The following IGSF21 variants were observed in gnomAD, a reference collection of about 807,000 sequenced individuals.
IGSF21 encodes immunoglobin superfamily member 21.
In IGSF21, 28 loss-of-function variants were observed where a neutral mutation model predicts 46.8. The observed-to-expected ratio is 0.60, with a 90% CI of 0.44 to 0.82. IGSF21 has a LOEUF of 0.82. Among genes scored for constraint, IGSF21 ranks in the 40% least tolerant of loss-of-function variants. IGSF21 has a pLI of 0.00. For synonymous variants in IGSF21, 284 were observed against 273.6 expected (o/e 1.04, Z -0.38); for missense variants, 624 against 665.5 (o/e 0.94, Z 0.69).
At chr1:18,285,501 T>G (rs1391977758) in intron 2 of IGSF21, among the ~76,000 whole-genome samples, 1 of 152,144 alleles carries the variant, frequency 6.6e-6, no homozygotes, top group Non-Finnish European at 1.5e-5. Context: ...CTGCGGGCAT[T>G]CAGGGCAGCA....
intron 1 of IGSF21, among the ~76,000 whole-genome samples, chr1:18,131,142 G>T (rs1330346271): frequency 6.6e-6 from 1 of 152,248 alleles, no homozygotes; most frequent in Non-Finnish European, 1.5e-5. Context: ...CACTGCTAGA[G>T]GAAAGGGGTC....
At chr1:18,193,913 T>G (rs2086982591) in intron 1 of IGSF21, among the ~76,000 whole-genome samples, 1 of 152,172 alleles carries the variant, frequency 6.6e-6, no homozygotes, top group African/African-American at 2.4e-5. Flanking sequence ...CCTGAGTGTG[T>G]GTCTGTGTGT....
chr1:18,251,271 A>T (rs1037885758), intron 2 of IGSF21, among the ~76,000 whole-genome samples: 2 of 152,204 alleles, frequency 1.3e-5, no homozygotes, highest in African/African-American at 4.8e-5. Flanking sequence ...TTTCAAAAAA[A>T]ATTATCTGGC....
intron 2 of IGSF21, among the ~76,000 whole-genome samples, chr1:18,288,669 A>G (rs959364901): frequency 7.9e-5 from 12 of 152,178 alleles, no homozygotes; most frequent in African/African-American, 2.9e-4. Flanking sequence ...CCACAGAATA[A>G]CATCCTTGCA....
In IGSF21 at chr1:18,159,751, C is replaced by T. The variant is rs191804160; in HGVS notation, c.70+51553C>T. Among the ~76,000 whole-genome samples the T allele has an allele frequency of 4.5e-3, 667 of 146,674 alleles. 3 individuals are homozygous for T. The highest frequency in any genetic ancestry group is 0.015 in the African/African-American group (608 of 39,686). On this transcript the variant is annotated intron_variant, in intron 1 of 9. Coordinates refer to ENST00000251296, the MANE Select transcript of IGSF21 (RefSeq NM_032880.5). ...AGGCTGGAGTGCAGTGGTGTGATCTCGGCTCACTGCAACCTCCACCTCCCA... is the reference window on the plus strand; with the variant it reads ...AGGCTGGAGTGCAGTGGTGTGATCTTGGCTCACTGCAACCTCCACCTCCCA...
At chr1:18,154,305 T>A (rs944340964) in intron 1 of IGSF21, among the ~76,000 whole-genome samples, 15 of 152,140 alleles carry the variant, frequency 9.9e-5, no homozygotes, top group Non-Finnish European at 1.8e-4. Flanking sequence ...TTTTGTCATC[T>A]CTTTCAAGGC....
At chr1:18,231,206 G>T (rs1032989472) in intron 2 of IGSF21, among the ~76,000 whole-genome samples, 2 of 152,164 alleles carry the variant, frequency 1.3e-5, no homozygotes, top group African/African-American at 4.8e-5. Context: ...CCTCCCCTCT[G>T]GTCCTAAATA....
At position 18,329,034 on chromosome 1, in the gene IGSF21, A is replaced by G. The variant is rs570759450; in HGVS notation, c.306-5858A>G. Among the ~76,000 whole-genome samples, 8 of 152,316 alleles carry G rather than the reference A, an allele frequency of 5.3e-5. No homozygotes were observed. The South Asian group carries it at 1.2e-3, about 24-fold the overall frequency. ...AGCAGGGAGAAAACATATGGCTCTC[A>G]TTACCTAGAGAGGTGGCAAGCCTCA... On this transcript the variant is annotated intron_variant, in intron 3 of 9. Transcript: ENST00000251296.
chr1:18,366,442 A>T (rs567818189), intron 6 of IGSF21, among the ~76,000 whole-genome samples: 35 of 152,178 alleles, frequency 2.3e-4, no homozygotes, highest in Non-Finnish European at 4.1e-4. Context: ...AGGTCATGGC[A>T]TGCTCAGGGG....
Position 18,337,820 on chromosome 1 carries a change from C to G in IGSF21, c.424+2810C>G, listed in dbSNP as rs145415385. On this transcript the variant is annotated intron_variant, in intron 4 of 9. Transcript: ENST00000251296. This position sits in a 1 kb window ranked among gnomAD's most constrained non-coding sequence, Gnocchi z 5.7. Reference sequence around the variant, plus strand: ...ACATCATCCAATCCTCACTGCAGATCGGCGCGTGGGGGATTACTATTATCT... The same window carrying G: ...ACATCATCCAATCCTCACTGCAGATGGGCGCGTGGGGGATTACTATTATCT... Among the ~76,000 whole-genome samples, 4 of 152,262 alleles carry G rather than the reference C, an allele frequency of 2.6e-5. No homozygotes were observed. Among genetic ancestry groups the G allele is most frequent in the African/African-American group, 9.6e-5 (4 of 41,558 alleles).
rs529970461 is a variant in IGSF21 at position 18,365,065 on chromosome 1, TG to T, written c.541-153del. Among the ~76,000 whole-genome samples, 28 of 152,272 alleles carry T rather than the reference TG, an allele frequency of 1.8e-4. No homozygotes were observed. The East Asian group carries it at 5.2e-3, about 28-fold the overall frequency. ...TTGTACCACACTGGCTCATAGTTCTTGGGGGTGTTGAAGGGAAAAGAGTGGG... is the reference window on the plus strand; with the variant it reads ...TTGTACCACACTGGCTCATAGTTCTTGGGGTGTTGAAGGGAAAAGAGTGGG... On this transcript the variant is annotated intron_variant, in intron 5 of 9. Transcript: ENST00000251296. The surrounding 1 kb of genome is among the most constrained non-coding windows in gnomAD (Gnocchi z 4.8).
chr1:18,258,368 C>T (rs2084910988), intron 2 of IGSF21, among the ~76,000 whole-genome samples: 1 of 152,204 alleles, frequency 6.6e-6, no homozygotes, highest in Non-Finnish European at 1.5e-5. Flanking sequence ...GACTCAGTAA[C>T]CACCAATGGT....
chr1:18,180,206 C>T (rs545212429), intron 1 of IGSF21, among the ~76,000 whole-genome samples: 85 of 152,186 alleles, frequency 5.6e-4, no homozygotes, highest in Non-Finnish European at 1.1e-3. Flanking sequence ...CTGCATGTGG[C>T]GAGGTGTAGA....
At chr1:18,166,591 G>A (rs143602723) in intron 1 of IGSF21, among the ~76,000 whole-genome samples, 10 of 152,284 alleles carry the variant, frequency 6.6e-5, no homozygotes, top group African/African-American at 2.4e-4. Context: ...CGTCACCAGG[G>A]TTCAGTATGC....
chr1:18,214,194 G>A (rs1437271277), intron 1 of IGSF21, among the ~76,000 whole-genome samples: 2 of 152,176 alleles, frequency 1.3e-5, no homozygotes, highest in East Asian at 3.8e-4. Context: ...CTCTGACAGA[G>A]GGGAATTTGA....
intron 2 of IGSF21, among the ~76,000 whole-genome samples, chr1:18,263,776 C>A (rs2084967006): frequency 6.6e-6 from 1 of 152,122 alleles, no homozygotes; most frequent in Non-Finnish European, 1.5e-5. Context: ...CATGCTCATC[C>A]CCCCTGACTC....
intron 1 of IGSF21, among the ~76,000 whole-genome samples, chr1:18,196,414 G>T (rs902480474): frequency 6.6e-6 from 1 of 152,148 alleles, no homozygotes; most frequent in African/African-American, 2.4e-5. Flanking sequence ...CTGAGTCCCT[G>T]CAGGGCGCGT....
intron 1 of IGSF21, chr1:18,111,835 C>T (rs4920430): frequency 0.85 from 129,437 of 152,308 alleles, 55,152 homozygotes; most frequent in South Asian, 0.92. Context: ...CCCCAGGCTC[C>T]TCTTTCCGCT....
intron 4 of IGSF21, among the ~76,000 whole-genome samples, chr1:18,357,241 G>A (rs1469846371): frequency 6.7e-6 from 1 of 148,328 alleles, no homozygotes; most frequent in Non-Finnish European, 1.5e-5. Context: ...TGGAGATGAA[G>A]ATGGGGTTGG....
Sources: gnomAD v4.1 joint callset for allele counts (sites outside exome capture counted in the v4.1 genomes callset) on GRCh38, gnomAD v4.1.1 for gene constraint, Gnocchi (gnomAD v3.1) non-coding constraint, MANE v1.5 for transcripts, NCBI Gene and HGNC (gene_info 2026-07-23, HGNC 2026-07-21) for gene names.